Variants in ATXN1 observed in about 807,000 individuals in gnomAD.
ATXN1 encodes ataxin 1, also known as ataxin-1.
In ATXN1, 8 loss-of-function variants were observed where a neutral mutation model predicts 56.4. The ratio of observed to expected loss-of-function variants is 0.14; its 90% CI spans 0.08 to 0.26. ATXN1 has a LOEUF of 0.26. Among genes scored for constraint, ATXN1 ranks in the 10% least tolerant of loss-of-function variants. The pLI, the probability that ATXN1 is intolerant of heterozygous loss-of-function variation, is 1.00. For synonymous variants in ATXN1, 514 were observed against 494.6 expected, an observed-to-expected ratio of 1.04 and a Z score of -0.52; for missense variants, 987 against 1,106.5, an observed-to-expected ratio of 0.89 and a Z score of 1.53.
intron 6 of ATXN1, among the ~76,000 whole-genome samples, chr6:16,408,084 C>T (rs530583345): frequency 3.1e-4 from 47 of 152,182 alleles, no homozygotes; most frequent in Admixed American, 8.5e-4. Context: ...AACCCAGCCC[C>T]TTGGGGAGGG....
At chr6:16,645,310 C>A (rs1468662059) in intron 3 of ATXN1, among the ~76,000 whole-genome samples, 1 of 152,184 alleles carries the variant, frequency 6.6e-6, no homozygotes, top group Non-Finnish European at 1.5e-5. Flanking sequence ...CTGATGGGCT[C>A]CCAGAGATGG....
chr6:16,374,138 C>CAAA lies in ATXN1; in HGVS notation c.-160-45671_-160-45669dup, dbSNP rs376857810. On this transcript the variant is annotated intron_variant, in intron 6 of 7. Transcript: ENST00000436367. ...ATACCAGAAGCTTTTAGGATATGAG[C>CAAA]AAAAAAAAAAAAAAAAAAGACATAG... Among the ~76,000 whole-genome samples, 218 of 85,348 alleles carry CAAA rather than the reference C, an allele frequency of 2.6e-3. 4 individuals carry two copies. The highest frequency in any genetic ancestry group is 0.016 in the East Asian group (56 of 3,578). The allele number at this position is 85,348 out of a possible 152,430, so 56.0% of individuals were successfully genotyped here. A position where few individuals can be genotyped will look rare whatever the true frequency, so the allele number is the denominator to read the frequency against.
intron 6 of ATXN1, among the ~76,000 whole-genome samples, chr6:16,413,586 GAATA>G (rs1211157541): frequency 6.6e-6 from 1 of 152,212 alleles, no homozygotes; most frequent in Non-Finnish European, 1.5e-5. Flanking sequence ...ATGGGTGGGG[GAATA>G]AATAAATAAA....
At chr6:16,655,116 T>C (rs1758168647) in intron 3 of ATXN1, among the ~76,000 whole-genome samples, 1 of 152,188 alleles carries the variant, frequency 6.6e-6, no homozygotes, top group Admixed American at 6.5e-5. Context: ...GTTAACAGGC[T>C]GGCCGGTAAC....
At chr6:16,324,287 T>C (rs749006644) in intron 7 of ATXN1, among the ~76,000 whole-genome samples, 2 of 152,000 alleles carry the variant, frequency 1.3e-5, no homozygotes. Context: ...TACTAAAATG[T>C]TTTTTATTTT....
intron 5 of ATXN1, among the ~76,000 whole-genome samples, chr6:16,521,097 T>A (rs1761279535): frequency 2.0e-5 from 3 of 152,078 alleles, no homozygotes. Context: ...TGAACACAAT[T>A]TGAAGCCAGA....
intron 3 of ATXN1, among the ~76,000 whole-genome samples, chr6:16,652,642 T>C (rs1758088534): frequency 1.3e-5 from 2 of 152,272 alleles, no homozygotes; most frequent in South Asian, 4.1e-4. Context: ...ATGGCACCTT[T>C]CTCTTCTGTA....
At chr6:16,604,984 C>T (rs1762978089) in intron 3 of ATXN1, among the ~76,000 whole-genome samples, 1 of 152,164 alleles carries the variant, frequency 6.6e-6, no homozygotes, top group Non-Finnish European at 1.5e-5. Context: ...ATTACATGCA[C>T]ATGTATGGTG....
At chr6:16,586,487 T>C (rs1762626399) in intron 3 of ATXN1, among the ~76,000 whole-genome samples, 1 of 152,238 alleles carries the variant, frequency 6.6e-6, no homozygotes, top group African/African-American at 2.4e-5. Context: ...ACATTTACTA[T>C]GTTCTGGGCC....
chr6:16,610,727 C>G (rs1236905577), intron 3 of ATXN1, among the ~76,000 whole-genome samples: 1 of 151,998 alleles, frequency 6.6e-6, no homozygotes, highest in Non-Finnish European at 1.5e-5. Flanking sequence ...TAAAACAGTT[C>G]ACAATATGGA....
chr6:16,544,348 G>C (rs1348273498), intron 4 of ATXN1, among the ~76,000 whole-genome samples: 2 of 152,146 alleles, frequency 1.3e-5, no homozygotes, highest in Non-Finnish European at 2.9e-5. Flanking sequence ...TCTGCTTGGG[G>C]GACTCCGCCT....
intron 2 of ATXN1, among the ~76,000 whole-genome samples, chr6:16,734,305 T>C (rs747590302): frequency 4.3e-4 from 66 of 152,156 alleles, no homozygotes; most frequent in Admixed American, 5.9e-4. Context: ...ACACTAGTCA[T>C]GACACTGGGC....
chr6:16,753,430 G>A (rs1228870943), intron 1 of ATXN1, 83 bp from the exon 2 acceptor site: 1 of 445,492 alleles, frequency 2.2e-6, no homozygotes, highest in Non-Finnish European at 4.5e-6. Flanking sequence ...TCCACCTTAA[G>A]TGTCTATGCA....
chr6:16,584,241 T>TACACAC (rs1197830966), intron 4 of ATXN1, among the ~76,000 whole-genome samples: 1 of 121,280 alleles, frequency 8.2e-6, no homozygotes, highest in Non-Finnish European at 1.7e-5. Context: ...TATATATATA[T>TACACAC]ATACACACAC....
At chr6:16,658,900 T>A (rs760882) in intron 2 of ATXN1, among the ~76,000 whole-genome samples, 95,736 of 152,132 alleles carry the variant, frequency 0.63, 31,461 homozygotes, top group African/African-American at 0.82. Context: ...CCCACGGTGA[T>A]CATCAAAGAT....
intron 5 of ATXN1, among the ~76,000 whole-genome samples, chr6:16,510,151 C>G (rs879513937): frequency 3.3e-5 from 5 of 152,172 alleles, no homozygotes; most frequent in Non-Finnish European, 7.3e-5. Context: ...AGTTCCTTTT[C>G]AGATCATAGG....
chr6:16,432,395 GT>G (rs1759304367), intron 6 of ATXN1, among the ~76,000 whole-genome samples: 1 of 152,162 alleles, frequency 6.6e-6, no homozygotes, highest in Non-Finnish European at 1.5e-5. Flanking sequence ...GTTTTCATTG[GT>G]TTTGTAGAAC....
intron 6 of ATXN1, among the ~76,000 whole-genome samples, chr6:16,473,199 C>T (rs1760256024): frequency 6.6e-6 from 1 of 152,078 alleles, no homozygotes; most frequent in Admixed American, 6.5e-5. Context: ...TCAATTTTAC[C>T]TATAAAAGAT....
Position 16,326,971 on chromosome 6 carries a change from C to A in ATXN1, c.1340G>T (p.Gly447Val), listed in dbSNP as rs1216105638. The change falls in exon 7 of 8, where the codon GGA becomes GTA. Residue 447 changes from glycine to valine, a missense_variant. Gly to Val is a moderately radical substitution (Grantham distance 109, BLOSUM62 -3). Transcript: ENST00000436367. This position sits in a 1 kb window ranked among gnomAD's most constrained non-coding sequence, Gnocchi z 6.6. Reference sequence around the variant, plus strand: ...TGCGTAGAAGGCCGTGGCTGGCAGTCCCACCGGGAGTGGCTCTGAAGCACT... The same window carrying A: ...TGCGTAGAAGGCCGTGGCTGGCAGTACCACCGGGAGTGGCTCTGAAGCACT... ...THSASEPLPV[G>V]LPATAFYAGT... The A allele has an allele frequency of 1.2e-6, 2 of 1,614,112 alleles. No homozygotes were observed. The highest frequency in any genetic ancestry group is 1.1e-5 in the South Asian group (1 of 91,074).
Sources: gnomAD v4.1 joint callset for allele counts (sites outside exome capture counted in the v4.1 genomes callset) on GRCh38, gnomAD v4.1.1 for gene constraint, Gnocchi (gnomAD v3.1) non-coding constraint, MANE v1.5 for transcripts, NCBI Gene and HGNC (gene_info 2026-07-23, HGNC 2026-07-21) for gene names.